Variants in HSH2D observed in about 807,000 individuals in gnomAD.
The protein encoded by HSH2D is hematopoietic SH2 domain containing.
Under a neutral mutation model 21.5 loss-of-function variants are expected in HSH2D, and 16 were observed. The ratio of observed to expected loss-of-function variants is 0.74; its 90% CI spans 0.50 to 1.13. The LOEUF is 1.13. Among genes scored for constraint, HSH2D ranks in the 50% most tolerant of loss-of-function variants. The pLI is 0.00. For synonymous variants in HSH2D, 172 were observed against 184.7 expected (o/e 0.93, Z 0.56); for missense variants, 418 against 441.4 (o/e 0.95, Z 0.47).
chr19:16,143,084 T>C (rs1467301081), upstream of HSH2D, among the ~76,000 whole-genome samples: 1 of 151,796 alleles, frequency 6.6e-6, no homozygotes, highest in East Asian at 1.9e-4. Context: ...TCCCCCTTTG[T>C]TGCTTTTGTT....
chr19:16,140,245 G>T (rs1282703298), upstream of HSH2D, among the ~76,000 whole-genome samples: 1 of 151,988 alleles, frequency 6.6e-6, no homozygotes, highest in Non-Finnish European at 1.5e-5. Flanking sequence ...TGAGGCTGCA[G>T]TGAGTTGTAC....
In HSH2D at chr19:16,152,464, TCCATGAATGATC is replaced by T. The variant is rs1568331548; in HGVS notation, c.126-82_126-71del. 22 of 666,890 alleles carry T rather than the reference TCCATGAATGATC, an allele frequency of 3.3e-5. No homozygotes were observed. The South Asian group carries it at 6.5e-4, about 20-fold the overall frequency. The allele number at this position is 666,890 out of a possible 1,614,324, so 41.3% of individuals were successfully genotyped here. A position where few individuals can be genotyped will look rare whatever the true frequency, so the allele number is the denominator to read the frequency against. ...AGAAAAATGAAAACTACCAGCCTTC[TCCATGAATGATC>T]CCATGGCCCCAGGAGTCTAACTGGT... is the stretch of plus-strand genomic sequence containing the variant. On this transcript the variant is annotated intron_variant, in intron 2 of 5. Transcript: ENST00000613986.
upstream of HSH2D, among the ~76,000 whole-genome samples, chr19:16,138,687 A>G (rs1189497111): frequency 1.3e-5 from 2 of 151,792 alleles, no homozygotes; most frequent in East Asian, 1.9e-4. Context: ...CGATCCCTTG[A>G]CTTCATGATC....
At chr19:16,143,954 G>T (rs2091028628) in intron 1 of HSH2D, among the ~76,000 whole-genome samples, 180 bp downstream of exon 1, 1 of 152,030 alleles carries the variant, frequency 6.6e-6, no homozygotes, top group Admixed American at 6.6e-5. Flanking sequence ...TGGAGCTGGA[G>T]TTAGGGAAAA....
chr19:16,138,560 C>A (rs1016857970), intron 1 of HSH2D, among the ~76,000 whole-genome samples: 3 of 151,576 alleles, frequency 2.0e-5, no homozygotes, highest in Non-Finnish European at 2.9e-5. Flanking sequence ...CGGGTTCAAG[C>A]GATTCTTCTG....
intron 1 of HSH2D, 101 bp from the exon 2 acceptor site, chr19:16,148,623 G>A: frequency 2.5e-6 from 3 of 1,177,614 alleles, no homozygotes; most frequent in Non-Finnish European, 3.7e-6. Flanking sequence ...GTCCACCCTG[G>A]AGGACTTCTC....
chr19:16,146,272 T>G (rs1037184851), intron 1 of HSH2D, among the ~76,000 whole-genome samples: 1 of 152,114 alleles, frequency 6.6e-6, no homozygotes, highest in East Asian at 1.9e-4. Flanking sequence ...AGAAAGTGTG[T>G]GAATTAATGA....
intron 2 of HSH2D, among the ~76,000 whole-genome samples, chr19:16,150,217 C>T (rs7508090): frequency 0.019 from 2,929 of 151,684 alleles, 92 homozygotes; most frequent in African/African-American, 0.067. Flanking sequence ...CAAGGCTGGC[C>T]TGGACAACAT....
intron 5 of HSH2D, 125 bp downstream of exon 5, chr19:16,154,616 A>T: frequency 1.7e-6 from 1 of 575,146 alleles, no homozygotes. Flanking sequence ...GGTGCTTTAA[A>T]CCTTTCCAGT....
intron 3 of HSH2D, 26 bp downstream of exon 3, chr19:16,152,667 C>T: frequency 6.6e-7 from 1 of 1,526,380 alleles, no homozygotes; most frequent in Non-Finnish European, 8.9e-7. Flanking sequence ...GGATCCAGGG[C>T]AGGGGCAGGT....
At chr19:16,140,215 A>C (rs1294607673), upstream of HSH2D, among the ~76,000 whole-genome samples, 3 of 152,128 alleles carry the variant, frequency 2.0e-5, no homozygotes, top group East Asian at 5.8e-4. Context: ...AGGCAGGTAG[A>C]TCGCTTGAGG....
At chr19:16,150,984 A>G (rs116210214) in intron 2 of HSH2D, among the ~76,000 whole-genome samples, 2,945 of 152,304 alleles carry the variant, frequency 0.019, 92 homozygotes, top group African/African-American at 0.067. Context: ...CTTGTCCCAC[A>G]GAAGGCGGCC....
chr19:16,147,937 G>A (rs1002328759), intron 1 of HSH2D, among the ~76,000 whole-genome samples: 10 of 149,276 alleles, frequency 6.7e-5, no homozygotes, highest in Admixed American at 1.3e-4. Flanking sequence ...GAGCCACCAC[G>A]CCCAGCCACA....
intron 4 of HSH2D, 57 bp from the exon 5 acceptor site, chr19:16,154,342 C>G (rs1385612312): frequency 4.2e-6 from 5 of 1,199,266 alleles, no homozygotes; most frequent in South Asian, 2.8e-5. Flanking sequence ...TTCCAGGGTC[C>G]GTGCAGGACC....
intron 4 of HSH2D, among the ~76,000 whole-genome samples, chr19:16,153,978 C>CT (rs2145056252): frequency 6.7e-6 from 1 of 148,358 alleles, no homozygotes; most frequent in South Asian, 2.1e-4. Context: ...CCTGGCCTAG[C>CT]TCCCAAGAAA....
intron 1 of HSH2D, among the ~76,000 whole-genome samples, chr19:16,137,414 G>A (rs1207835636): frequency 6.6e-6 from 1 of 151,986 alleles, no homozygotes; most frequent in African/African-American, 2.4e-5. Flanking sequence ...GATCACTTGA[G>A]GTCAGGAGTT....
Position 16,157,878 on chromosome 19 carries a change from C to A in HSH2D, c.*84C>A. On this transcript the variant is annotated 3_prime_UTR_variant, in exon 6 of 6. Coordinates refer to ENST00000613986, the MANE Select transcript of HSH2D (RefSeq NM_001382417.1). The surrounding 1 kb of genome is among the most constrained non-coding windows in gnomAD (Gnocchi z 4.4). ...CCTTAACATTTCTTCCATGGCCCCA[C>A]ACCATGGCATCCGGGGGTCTTCGGG... The A allele has an allele frequency of 9.8e-7, 1 of 1,017,440 alleles. No individual in the cohort carries two copies. The highest frequency in any genetic ancestry group is 1.4e-6 in the Non-Finnish European group (1 of 713,314). The allele number at this position is 1,017,440 out of a possible 1,614,324, so 63.0% of individuals were successfully genotyped here.
chr19:16,152,945 G>A, intron 3 of HSH2D, 98 bp from the exon 4 acceptor site: 1 of 1,412,840 alleles, frequency 7.1e-7, no homozygotes, highest in Non-Finnish European at 9.8e-7. Flanking sequence ...ACCTGGGGTA[G>A]TCTGGCTGTA....
intron 2 of HSH2D, among the ~76,000 whole-genome samples, 158 bp from the exon 3 acceptor site, chr19:16,152,394 G>A (rs2091170327): frequency 6.6e-6 from 1 of 151,476 alleles, no homozygotes; most frequent in South Asian, 2.1e-4. Flanking sequence ...CTCCAGCCGG[G>A]GGGACAGAGC....
Sources: gnomAD v4.1 joint callset for allele counts (sites outside exome capture counted in the v4.1 genomes callset) on GRCh38, gnomAD v4.1.1 for gene constraint, Gnocchi (gnomAD v3.1) non-coding constraint, MANE v1.5 for transcripts, NCBI Gene and HGNC (gene_info 2026-07-23, HGNC 2026-07-21) for gene names.